ATP5PO: variants seen among roughly 807,000 people sequenced by gnomAD.
ATP5PO encodes the protein ATP synthase peripheral stalk subunit OSCP, mitochondrial.
In ATP5PO, 14 loss-of-function variants were observed where a neutral mutation model predicts 26.2. That is an observed-to-expected ratio of 0.53 (90% confidence interval 0.35 to 0.83). ATP5PO has a LOEUF of 0.83. ATP5PO is among the 40% of genes least tolerant of loss of function. The probability of loss-of-function intolerance (pLI) is 0.01; values close to 1 mark genes in which losing one functional copy is unlikely to be tolerated. For missense variants in ATP5PO, 241 were observed against 258.5 expected (o/e 0.93, Z 0.46); for synonymous variants, 106 against 95.1 (o/e 1.12, Z -0.67).
intron 2 of ATP5PO, 110 bp downstream of exon 2, chr21:33,914,340 G>A (rs1366405460): frequency 3.6e-5 from 38 of 1,058,314 alleles, no homozygotes; most frequent in East Asian, 2.0e-4. Flanking sequence ...CACAAGTCAC[G>A]CAAAAAGGTT....
Position 33,912,286 on chromosome 21 carries a change from T to C in ATP5PO, c.198+3A>G. 6.2e-7 allele frequency: 1 copy of C among 1,604,628 alleles called. No individual in the cohort carries two copies. The highest frequency in any genetic ancestry group is 8.5e-7 in the Non-Finnish European group (1 of 1,173,608). ...ATATGTAATGAATAGGAAAGCTACTTACTGCTACTCTCAACAACTCCTTTT... is the reference window on the plus strand; with the variant it reads ...ATATGTAATGAATAGGAAAGCTACTCACTGCTACTCTCAACAACTCCTTTT... On this transcript the variant is annotated splice_donor_region_variant and intron_variant, in intron 3 of 6. Transcript: ENST00000290299.
chr21:33,911,946 G>A (rs1007159480), intron 3 of ATP5PO, among the ~76,000 whole-genome samples: 5 of 152,136 alleles, frequency 3.3e-5, no homozygotes, highest in African/African-American at 1.2e-4. Flanking sequence ...TTACAGGCGT[G>A]AGCACTGTGC....
intron 3 of ATP5PO, among the ~76,000 whole-genome samples, chr21:33,910,598 T>C (rs1000107035): frequency 1.3e-5 from 2 of 152,204 alleles, no homozygotes; most frequent in Admixed American, 6.5e-5. Context: ...ATTGTAAACA[T>C]GATTGTTTCC....
At chr21:33,909,636 A>G (rs981912907) in intron 3 of ATP5PO, among the ~76,000 whole-genome samples, 2 of 152,214 alleles carry the variant, frequency 1.3e-5, no homozygotes, top group Non-Finnish European at 2.9e-5. Context: ...ATATGAAAAA[A>G]AGATTATAAT....
chr21:33,906,350 G>T, intron 5 of ATP5PO: 1 of 240,704 alleles, frequency 4.2e-6, no homozygotes, highest in Non-Finnish European at 8.2e-6. Context: ...ACATATTGAA[G>T]ACAACAACAA....
In ATP5PO at chr21:33,903,611, A is replaced by G. The variant is rs1235652861; in HGVS notation, c.557T>C (p.Ile186Thr). The G allele has an allele frequency of 1.9e-6, 3 of 1,614,072 alleles. No homozygotes were observed. In the East Asian group the frequency reaches 6.7e-5, roughly 36 times the overall value. ...KTDPSILGGMIVRIGEKYVDM... is the reference protein window; with the variant it reads ...KTDPSILGGMTVRIGEKYVDM... ...AACATATTTCTCGCCAATGCGCACA[A>G]TCATTCCACCCAAGATTGACGGATC... The change falls in exon 7 of 7, where the codon ATT becomes ACT. Residue 186 changes from isoleucine (I) to threonine (T), a missense_variant. By Grantham distance (89) the Ile-to-Thr change is moderately conservative. Coordinates refer to ENST00000290299, the MANE Select transcript of ATP5PO (RefSeq NM_001697.3).
intron 3 of ATP5PO, among the ~76,000 whole-genome samples, chr21:33,909,579 CTTATGAATTAAATATT>C (rs2148606536): frequency 6.6e-6 from 1 of 152,218 alleles, no homozygotes; most frequent in East Asian, 1.9e-4. Flanking sequence ...CAAACACTTT[CTTATGAATTAAATATT>C]TTATGAATTA....
intron 2 of ATP5PO, among the ~76,000 whole-genome samples, chr21:33,913,598 G>A (rs1045879901): frequency 3.3e-5 from 5 of 152,116 alleles, no homozygotes. Context: ...TTTATTATGT[G>A]TCACTAATAG....
chr21:33,909,444 T>G (rs558605655), intron 3 of ATP5PO, among the ~76,000 whole-genome samples: 1 of 152,118 alleles, frequency 6.6e-6, no homozygotes, highest in Non-Finnish European at 1.5e-5. Flanking sequence ...TTTTGTATTT[T>G]TAGTAGAAAC....
chr21:33,909,625 C>T (rs553353002), intron 3 of ATP5PO, among the ~76,000 whole-genome samples: 1 of 152,154 alleles, frequency 6.6e-6, no homozygotes, highest in Admixed American at 6.5e-5. Flanking sequence ...TGCCGAAGAA[C>T]ATATGAAAAA....
intron 3 of ATP5PO, among the ~76,000 whole-genome samples, chr21:33,909,828 A>G (rs1286680331): frequency 6.6e-6 from 1 of 152,230 alleles, no homozygotes; most frequent in African/African-American, 2.4e-5. Context: ...ATACTTTAAT[A>G]TATTTAAGAG....
At position 33,912,361 on chromosome 21, in the gene ATP5PO, G is replaced by A; in HGVS notation, c.126C>T (p.Ala42=). 1 of 1,613,106 alleles carries A rather than the reference G, an allele frequency of 6.2e-7. No individual in the cohort carries two copies. The highest frequency in any genetic ancestry group is 1.3e-5 in the African/African-American group (1 of 74,930). The change falls in exon 3 of 7, where the codon GCC becomes GCT. Residue 42 remains alanine, a synonymous_variant. Coordinates refer to ENST00000290299, the MANE Select transcript of ATP5PO (RefSeq NM_001697.3). The stretch of plus-strand genomic sequence containing the variant: ...TTGATGCAGCAGAATAAAGAGCTGT[G>A]GCATAGCGACCTTCAATACCGTATA... ...VQVYGIEGRY[A]TALYSAASKQ... is the part of the protein sequence containing the mutation.
Position 33,914,822 on chromosome 21 carries a change from T to C in ATP5PO, c.37-322A>G, listed in dbSNP as rs538023133. 6 of 261,604 alleles carry C rather than the reference T, an allele frequency of 2.3e-5. No individual in the cohort carries two copies. In the East Asian group the frequency reaches 5.1e-4, roughly 22 times the overall value. The allele number at this position is 261,604 out of a possible 1,614,324, so 16.2% of individuals were successfully genotyped here. A position where few individuals can be genotyped will look rare whatever the true frequency, so the allele number is the denominator to read the frequency against. Reference sequence around the variant, plus strand: ...GTTTCAAAAATATTTAACCAAAATTTTGGCGTTTCTATTAACAGACCCTTG... The same window carrying C: ...GTTTCAAAAATATTTAACCAAAATTCTGGCGTTTCTATTAACAGACCCTTG... On this transcript the variant is annotated intron_variant, in intron 1 of 6. Coordinates refer to ENST00000290299, the MANE Select transcript of ATP5PO (RefSeq NM_001697.3).
In ATP5PO at chr21:33,915,627, G is replaced by A. The variant is rs538892695; in HGVS notation, c.36+101C>T. The A allele has an allele frequency of 4.7e-6, 7 of 1,493,198 alleles. No individual in the cohort carries two copies. The Admixed American group carries it at 1.4e-4, about 31-fold the overall frequency. 92.5% of individuals were successfully genotyped at this position (1,493,198 alleles called of 1,614,324 possible). A position where few individuals can be genotyped will look rare whatever the true frequency, so the allele number is the denominator to read the frequency against. ...GGTCCCATAACCTTGAAGACTGCCA[G>A]ACTTCCCCAGCCGAAGCATCGCACC... is the stretch of plus-strand genomic sequence containing the variant. On this transcript the variant is annotated intron_variant, in intron 1 of 6. Transcript: ENST00000290299.
chr21:33,904,286 C>T (rs532493477), intron 5 of ATP5PO, among the ~76,000 whole-genome samples: 2 of 152,324 alleles, frequency 1.3e-5, no homozygotes, highest in East Asian at 3.9e-4. Flanking sequence ...TCCCTCCCTG[C>T]CTCTGCTCTG....
At chr21:33,904,117 T>C in intron 5 of ATP5PO, 96 bp from the exon 6 acceptor site, 1 of 1,039,400 alleles carries the variant, frequency 9.6e-7, no homozygotes, top group Non-Finnish European at 1.4e-6. Flanking sequence ...ACAGGCCTTG[T>C]GAGCTCCTCC....
Position 33,915,732 on chromosome 21 carries a change from C to T in ATP5PO, c.32G>A (p.Arg11Gln). The T allele has an allele frequency of 1.3e-6, 2 of 1,574,544 alleles. No homozygotes were observed. The highest frequency in any genetic ancestry group is 1.7e-6 in the Non-Finnish European group (2 of 1,160,002). Residue 11 changes from arginine to glutamine, a missense_variant, in exon 1 of 7, where the codon CGG (arginine) becomes CAG (glutamine). Physicochemically the swap from Arg to Gln is conservative, Grantham distance 43 (BLOSUM62 1). Coordinates refer to ENST00000290299, the MANE Select transcript of ATP5PO (RefSeq NM_001697.3). ...TCAGGACCACCTTTCTCTCACCTGC[C>T]GGGAGAGCCCGGACACTGCTGGGGC... is the stretch of plus-strand genomic sequence containing the variant. MAAPAVSGLSRQVRCFSTSVV... is the reference protein window; with the variant it reads MAAPAVSGLSQQVRCFSTSVV...
chr21:33,913,086 C>T (rs894321029), intron 2 of ATP5PO, among the ~76,000 whole-genome samples: 1 of 152,212 alleles, frequency 6.6e-6, no homozygotes, highest in Non-Finnish European at 1.5e-5. Context: ...TAGGACTAAG[C>T]TGAGTAACCT....
chr21:33,909,269 C>A, intron 3 of ATP5PO, 58 bp from the exon 4 acceptor site: 1 of 1,535,830 alleles, frequency 6.5e-7, no homozygotes, highest in Non-Finnish European at 8.9e-7. Context: ...AAGGATGTGC[C>A]ATGCACACAC....
Sources: allele counts gnomAD v4.1 joint callset (sites outside exome capture counted in the v4.1 genomes callset), GRCh38; gene constraint gnomAD v4.1.1; transcripts MANE v1.5; gene names NCBI Gene and HGNC (gene_info 2026-07-23, HGNC 2026-07-21).